The following HMBOX1 variants were observed in gnomAD, a reference collection of about 807,000 sequenced individuals.
The protein encoded by HMBOX1 is homeobox-containing protein 1.
HMBOX1 carries 14 observed loss-of-function variants against 54.5 expected under a neutral mutation model. The ratio of observed to expected loss-of-function variants is 0.26; its 90% CI spans 0.17 to 0.40. HMBOX1 has a LOEUF of 0.40. HMBOX1 is among the 10% of genes least tolerant of loss of function. HMBOX1 has a pLI of 1.00. For missense variants in HMBOX1, 332 were observed against 514.4 expected (o/e 0.65, Z 3.43); for synonymous variants, 160 against 181.0 (o/e 0.88, Z 0.93).
intron 1 of HMBOX1, among the ~76,000 whole-genome samples, chr8:28,932,064 G>A (rs1357471206): frequency 6.6e-6 from 1 of 152,182 alleles, no homozygotes; most frequent in Non-Finnish European, 1.5e-5. Flanking sequence ...CTCAAGAAAG[G>A]TCTCTTTGAT....
chr8:28,980,546 G>C (rs139974424), intron 4 of HMBOX1, among the ~76,000 whole-genome samples: 1 of 152,190 alleles, frequency 6.6e-6, no homozygotes, highest in East Asian at 1.9e-4. Context: ...AATGATTCAT[G>C]AGGGTAAAGA....
At chr8:29,033,785 T>A (rs1320514566) in intron 6 of HMBOX1, among the ~76,000 whole-genome samples, 1 of 152,186 alleles carries the variant, frequency 6.6e-6, no homozygotes, top group Non-Finnish European at 1.5e-5. Context: ...TACAAATAAA[T>A]GAAGCACAGT....
At position 28,970,567 on chromosome 8, in the gene HMBOX1, A is replaced by T. The variant is rs771224125; in HGVS notation, c.500+48A>T. 4.8e-6 allele frequency: 6 copies of T among 1,245,314 alleles called. No individual in the cohort carries two copies. Among genetic ancestry groups the T allele is most frequent in the East Asian group, 2.3e-5 (1 of 42,900 alleles). 77.1% of individuals were successfully genotyped at this position (1,245,314 alleles called of 1,614,324 possible). ...AGTCCCTAAAAATGTCTGTATTCTT[A>T]GATTGTTTTTAAGTAGTATGCTGCG... On this transcript the variant is annotated intron_variant, in intron 3 of 9. Transcript: ENST00000287701. This position sits in a 1 kb window ranked among gnomAD's most constrained non-coding sequence, Gnocchi z 4.3.
chr8:29,031,365 T>C (rs968399367), intron 6 of HMBOX1, among the ~76,000 whole-genome samples: 12 of 152,106 alleles, frequency 7.9e-5, no homozygotes, highest in Non-Finnish European at 1.2e-4. Flanking sequence ...ATGACAGATA[T>C]GGCCTATGTA....
intron 8 of HMBOX1, chr8:29,048,397 G>A (rs778849260): frequency 3.9e-5 from 6 of 152,152 alleles, no homozygotes; most frequent in Admixed American, 1.3e-4. Flanking sequence ...ACTGAAAAAG[G>A]AAGAAATAAA....
intron 4 of HMBOX1, among the ~76,000 whole-genome samples, chr8:28,984,019 C>T (rs1190114895): frequency 1.3e-5 from 2 of 152,202 alleles, no homozygotes; most frequent in Non-Finnish European, 2.9e-5. Flanking sequence ...AGAAGAGATC[C>T]AGCTAGAGAA....
chr8:29,044,488 C>T (rs905686498), intron 6 of HMBOX1, among the ~76,000 whole-genome samples: 1 of 151,970 alleles, frequency 6.6e-6, no homozygotes, highest in African/African-American at 2.4e-5. Context: ...TACTATCGTA[C>T]TTTAAAAAGT....
At chr8:29,038,987 C>T (rs1000820851) in intron 6 of HMBOX1, among the ~76,000 whole-genome samples, 1 of 152,156 alleles carries the variant, frequency 6.6e-6, no homozygotes, top group African/African-American at 2.4e-5. Context: ...TGCCTTTGGA[C>T]ATGGTGTTGT....
intron 1 of HMBOX1, among the ~76,000 whole-genome samples, chr8:28,906,318 A>G (rs986464967): frequency 3.9e-5 from 6 of 152,224 alleles, no homozygotes; most frequent in Admixed American, 3.9e-4. Flanking sequence ...TTATAGAAGG[A>G]TAAGAGATTA....
At chr8:28,932,251 T>A (rs888571922) in intron 1 of HMBOX1, among the ~76,000 whole-genome samples, 3 of 152,338 alleles carry the variant, frequency 2.0e-5, no homozygotes, top group Middle Eastern at 6.8e-3. Flanking sequence ...CCAAATCTTA[T>A]AAGGCAGTAT....
chr8:28,928,009 C>T (rs945829565), intron 1 of HMBOX1, among the ~76,000 whole-genome samples: 1 of 151,714 alleles, frequency 6.6e-6, no homozygotes, highest in Non-Finnish European at 1.5e-5. Flanking sequence ...GTGGCGTGCA[C>T]CTGTAGTCCC....
intron 3 of HMBOX1, among the ~76,000 whole-genome samples, chr8:28,974,578 C>T (rs62502805): frequency 0.43 from 65,320 of 151,968 alleles, 15,365 homozygotes; most frequent in Non-Finnish European, 0.53. Flanking sequence ...AGTTGATTAT[C>T]TATAGGCTAA....
chr8:28,994,643 A>G (rs924452805), intron 4 of HMBOX1, among the ~76,000 whole-genome samples: 1 of 152,232 alleles, frequency 6.6e-6, no homozygotes, highest in Admixed American at 6.5e-5. Flanking sequence ...AATTTTAAGC[A>G]TATATCCAGT....
chr8:28,925,978 GT>G (rs1463180385), intron 1 of HMBOX1, among the ~76,000 whole-genome samples: 1 of 151,666 alleles, frequency 6.6e-6, no homozygotes, highest in Non-Finnish European at 1.5e-5. Flanking sequence ...TCAGCTTCAG[GT>G]TTTTTTTATA....
intron 1 of HMBOX1, among the ~76,000 whole-genome samples, chr8:28,937,790 A>C (rs1335341195): frequency 6.6e-6 from 1 of 152,206 alleles, no homozygotes; most frequent in Non-Finnish European, 1.5e-5. Flanking sequence ...TTATGGGAGA[A>C]AACTGAAAAA....
chr8:29,005,075 C>A (rs754646604), intron 4 of HMBOX1, among the ~76,000 whole-genome samples: 7 of 152,098 alleles, frequency 4.6e-5, no homozygotes, highest in Non-Finnish European at 8.8e-5. Flanking sequence ...TTGTTTATTT[C>A]TTCCTCACAC....
At chr8:28,993,230 CAAATT>C (rs1050721219) in intron 4 of HMBOX1, among the ~76,000 whole-genome samples, 5 of 151,892 alleles carry the variant, frequency 3.3e-5, no homozygotes, top group South Asian at 2.1e-4. Flanking sequence ...ACTTATGTAA[CAAATT>C]AAATAAGATA....
intron 1 of HMBOX1, among the ~76,000 whole-genome samples, chr8:28,896,975 T>A (rs1350099771): frequency 3.3e-5 from 5 of 151,330 alleles, no homozygotes; most frequent in Admixed American, 6.6e-5. Flanking sequence ...GAATATTGGC[T>A]AGGTTTTTTT....
At position 29,051,755 on chromosome 8, in the gene HMBOX1, A is replaced by T. The variant is rs2133419245; in HGVS notation, c.*600A>T. The T allele has an allele frequency of 3.4e-6, 2 of 589,866 alleles. No homozygotes were observed. Among genetic ancestry groups the T allele is most frequent in the Admixed American group, 2.4e-5 (1 of 40,888 alleles). 36.5% of individuals were successfully genotyped at this position (589,866 alleles called of 1,614,324 possible). On this transcript the variant is annotated 3_prime_UTR_variant, in exon 10 of 10. Coordinates refer to ENST00000287701, the MANE Select transcript of HMBOX1 (RefSeq NM_001135726.3). Reference sequence around the variant, plus strand: ...GCTGTGCTAAGAATGTCAATGGAAAAAGCCGATCTCAGATTTTGTTTGAAG... The same window carrying T: ...GCTGTGCTAAGAATGTCAATGGAAATAGCCGATCTCAGATTTTGTTTGAAG...
Sources: gnomAD v4.1 joint callset for allele counts (sites outside exome capture counted in the v4.1 genomes callset) on GRCh38, gnomAD v4.1.1 for gene constraint, Gnocchi (gnomAD v3.1) non-coding constraint, MANE v1.5 for transcripts, NCBI Gene and HGNC (gene_info 2026-07-23, HGNC 2026-07-21) for gene names.